TMEM47: variants seen among roughly 807,000 people sequenced by gnomAD.
The protein encoded by TMEM47 is transmembrane protein 47, also known as brain cell membrane protein 1.
A neutral mutation model predicts 12.4 loss-of-function variants in TMEM47; 3 were observed. The observed-to-expected ratio is 0.24, with a 90% CI of 0.11 to 0.63. The LOEUF is 0.63. TMEM47 is among the 20% of genes least tolerant of loss of function. The probability of loss-of-function intolerance (pLI) is 0.86; values close to 1 mark genes in which losing one functional copy is unlikely to be tolerated. For synonymous variants in TMEM47, 62 were observed against 63.3 expected (o/e 0.98, Z 0.10); for missense variants, 89 against 143.8 (o/e 0.62, Z 1.95).
intron 2 of TMEM47, among the ~76,000 whole-genome samples, chrX:34,631,161 A>G (rs1335862367): frequency 1.4e-5 from 1 of 70,014 alleles, no homozygotes; most frequent in Non-Finnish European, 2.5e-5. Flanking sequence ...ACAGAGCCAG[A>G]CTCTGTCTCA....
intron 1 of TMEM47, 66 bp downstream of exon 1, chrX:34,656,738 T>C (rs2147143945): frequency 8.8e-7 from 1 of 1,133,519 alleles, no homozygotes; most frequent in East Asian, 3.3e-5. Flanking sequence ...GCGGTGACTG[T>C]CCTGGCAGTG....
At chrX:34,650,730 C>T (rs753297770) in intron 1 of TMEM47, among the ~76,000 whole-genome samples, 1 of 112,119 alleles carries the variant, frequency 8.9e-6, no homozygotes, top group East Asian at 2.8e-4. Flanking sequence ...TAGCAAATTA[C>T]ATTCCAGATT....
chrX:34,634,927 T>G (rs1375380022), intron 2 of TMEM47, among the ~76,000 whole-genome samples: 1 of 112,035 alleles, frequency 8.9e-6, no homozygotes, highest in African/African-American at 3.2e-5. Context: ...GTAATAAACT[T>G]TTGTTTCTCT....
chrX:34,631,149 C>T (rs887793303), intron 2 of TMEM47, among the ~76,000 whole-genome samples: 5 of 71,069 alleles, frequency 7.0e-5, no homozygotes, highest in Non-Finnish European at 1.2e-4. Flanking sequence ...CCAGCCTGGG[C>T]GACAGAGCCA....
intron 1 of TMEM47, among the ~76,000 whole-genome samples, chrX:34,651,130 C>A (rs1922011133): frequency 1.8e-5 from 2 of 111,938 alleles, no homozygotes; most frequent in African/African-American, 6.5e-5. Flanking sequence ...GAACTTGCCA[C>A]TGCTCCATCA....
chrX:34,644,641 T>C (rs991973603), intron 1 of TMEM47, among the ~76,000 whole-genome samples: 2 of 112,021 alleles, frequency 1.8e-5, no homozygotes, highest in African/African-American at 6.5e-5. Flanking sequence ...TTCTACTATA[T>C]GTAAATCCCT....
At chrX:34,639,183 A>C (rs1277487323) in intron 2 of TMEM47, 64 bp downstream of exon 2, 4 of 1,113,779 alleles carry the variant, frequency 3.6e-6, no homozygotes, top group African/African-American at 3.7e-5. Context: ...CTGCATAGGA[A>C]AGGAAGATGG....
chrX:34,652,909 A>G (rs1279559001), intron 1 of TMEM47, among the ~76,000 whole-genome samples: 1 of 112,366 alleles, frequency 8.9e-6, no homozygotes, highest in Non-Finnish European at 1.9e-5. Flanking sequence ...ATGCATCAAT[A>G]TCAACACATT....
intron 2 of TMEM47, among the ~76,000 whole-genome samples, chrX:34,631,777 G>A (rs1443862995): frequency 8.9e-6 from 1 of 111,863 alleles, no homozygotes; most frequent in Non-Finnish European, 1.9e-5. Context: ...TTTATGTTGT[G>A]GATATGCACA....
intron 2 of TMEM47, among the ~76,000 whole-genome samples, chrX:34,636,839 T>C (rs967408232): frequency 9.0e-6 from 1 of 111,219 alleles, no homozygotes; most frequent in East Asian, 2.8e-4. Flanking sequence ...CAGTGCACAG[T>C]TGGCAACTGA....
intron 1 of TMEM47, among the ~76,000 whole-genome samples, chrX:34,649,562 G>A (rs964312205): frequency 3.6e-5 from 4 of 110,758 alleles, no homozygotes; most frequent in African/African-American, 1.3e-4. Flanking sequence ...GTTGAGGGTG[G>A]GAGGAGGGAG....
At chrX:34,634,175 A>C (rs1399553279) in intron 2 of TMEM47, among the ~76,000 whole-genome samples, 4 of 111,429 alleles carry the variant, frequency 3.6e-5, no homozygotes, top group Middle Eastern at 4.6e-3. Context: ...GGTATTCTCT[A>C]TGCTCTTCCT....
In TMEM47 at chrX:34,628,208, C is replaced by G. The variant is rs1159645840; in HGVS notation, c.*2105G>C. On this transcript the variant is annotated 3_prime_UTR_variant, in exon 3 of 3. Coordinates refer to ENST00000275954, the MANE Select transcript of TMEM47 (RefSeq NM_031442.4). ...TCATTATTCAGGAATAAAGAGATCT[C>G]AGAACAGAGAATGTTTAGTTGCTGA... 1 of 111,725 alleles carries G rather than the reference C, an allele frequency of 9.0e-6. No homozygotes were observed. The highest frequency in any genetic ancestry group is 1.9e-5 in the Non-Finnish European group (1 of 53,016). 9.2% of individuals were successfully genotyped at this position (111,725 alleles called of 1,213,427 possible). A position where few individuals can be genotyped will look rare whatever the true frequency, so the allele number is the denominator to read the frequency against.
At position 34,628,076 on chromosome X, in the gene TMEM47, A is replaced by C. The variant is rs921003316; in HGVS notation, c.*2237T>G. 3 of 111,858 alleles carry C rather than the reference A, an allele frequency of 2.7e-5. No individual in the cohort carries two copies. The highest frequency in any genetic ancestry group is 9.8e-5 in the African/African-American group (3 of 30,751). The allele number at this position is 111,858 out of a possible 1,213,427, so 9.2% of individuals were successfully genotyped here. ...CTTGTCATATTGACAGAGAATGAAAACTTGATAAGACTCGAGATGTGATGA... is the reference window on the plus strand; with the variant it reads ...CTTGTCATATTGACAGAGAATGAAACCTTGATAAGACTCGAGATGTGATGA... On this transcript the variant is annotated 3_prime_UTR_variant, in exon 3 of 3. Transcript: ENST00000275954.
chrX:34,635,082 C>T (rs1191112316), intron 2 of TMEM47, among the ~76,000 whole-genome samples: 1 of 111,653 alleles, frequency 9.0e-6, no homozygotes, highest in African/African-American at 3.3e-5. Context: ...CCTCTGGCCA[C>T]TAAAGCCTCT....
At chrX:34,649,361 T>C (rs767440597) in intron 1 of TMEM47, among the ~76,000 whole-genome samples, 4 of 111,499 alleles carry the variant, frequency 3.6e-5, no homozygotes, top group South Asian at 7.6e-4. Context: ...TGGAATACTA[T>C]GCAGCCAGAA....
In TMEM47 at chrX:34,649,211, A is replaced by G. The variant is rs1921970222; in HGVS notation, c.226+7593T>C. On this transcript the variant is annotated intron_variant, in intron 1 of 2. Coordinates refer to ENST00000275954, the MANE Select transcript of TMEM47 (RefSeq NM_031442.4). ...CAATCCCATTACTAGGTATATACCA[A>G]AAGAACAGAAATTGTTCTACCATAA... Among the ~76,000 whole-genome samples the G allele has an allele frequency of 3.6e-5, 4 of 112,160 alleles. No individual in the cohort carries two copies. The South Asian group carries it at 1.5e-3, about 42-fold the overall frequency.
intron 1 of TMEM47, among the ~76,000 whole-genome samples, chrX:34,649,833 C>G (rs772406717): frequency 7.4e-4 from 83 of 111,691 alleles, no homozygotes; most frequent in African/African-American, 2.5e-3. Context: ...TCAAGCGATT[C>G]TCCTGCCTCA....
At chrX:34,647,625 T>C (rs1023926602) in intron 1 of TMEM47, among the ~76,000 whole-genome samples, 1 of 111,563 alleles carries the variant, frequency 9.0e-6, no homozygotes, top group Admixed American at 9.6e-5. Context: ...GTAAAAACAT[T>C]AAGGAAAGGT....
Sources: gnomAD v4.1 joint callset for allele counts (sites outside exome capture counted in the v4.1 genomes callset) on GRCh38, gnomAD v4.1.1 for gene constraint, MANE v1.5 for transcripts, NCBI Gene and HGNC (gene_info 2026-07-23, HGNC 2026-07-21) for gene names.